The following RNF38 variants were observed in gnomAD, a reference collection of about 807,000 sequenced individuals.
RNF38 encodes ring finger protein 38.
A neutral mutation model predicts 67.2 loss-of-function variants in RNF38; 15 were observed. The ratio of observed to expected loss-of-function variants is 0.22; its 90% CI spans 0.15 to 0.34. The LOEUF is 0.34. Ranked by LOEUF, RNF38 falls within the 10% of genes least tolerant of loss-of-function variation. RNF38 has a pLI of 1.00. For synonymous variants in RNF38, 220 were observed against 218.8 expected (o/e 1.01, Z -0.05); for missense variants, 524 against 639.9 (o/e 0.82, Z 1.95).
intron 1 of RNF38, among the ~76,000 whole-genome samples, chr9:36,472,942 G>A (rs539096635): frequency 6.6e-6 from 1 of 151,564 alleles, no homozygotes; most frequent in African/African-American, 2.4e-5. Flanking sequence ...GACCAGCCTG[G>A]CCAAGATGCT....
intron 1 of RNF38, among the ~76,000 whole-genome samples, chr9:36,392,819 G>T (rs531799662): frequency 1.3e-5 from 2 of 152,206 alleles, no homozygotes; most frequent in South Asian, 4.1e-4. Context: ...CTAACCTCAA[G>T]AAGCTTATTC....
At chr9:36,441,565 C>T (rs1231670030) in intron 1 of RNF38, among the ~76,000 whole-genome samples, 1 of 152,160 alleles carries the variant, frequency 6.6e-6, no homozygotes, top group Non-Finnish European at 1.5e-5. Context: ...CCTCGTGATC[C>T]ACCCAGCTCG....
chr9:36,479,951 A>G (rs896930357), intron 1 of RNF38, among the ~76,000 whole-genome samples: 21 of 152,086 alleles, frequency 1.4e-4, no homozygotes, highest in African/African-American at 4.6e-4. Flanking sequence ...ATGAGTTCCA[A>G]CTTTTCTCTA....
At chr9:36,420,533 A>AAAAAAAAAAAAAAAAAAC (rs1838597102) in intron 2 of RNF38, among the ~76,000 whole-genome samples, 1 of 79,930 alleles carries the variant, frequency 1.3e-5, no homozygotes, top group Non-Finnish European at 2.6e-5. Flanking sequence ...CTCTGTCTCC[A>AAAAAAAAAAAAAAAAAAC]AAAAAAAAAA....
At chr9:36,370,580 G>A (rs182217470) in intron 3 of RNF38, among the ~76,000 whole-genome samples, 1 of 152,050 alleles carries the variant, frequency 6.6e-6, no homozygotes, top group African/African-American at 2.4e-5. Flanking sequence ...TGCACACAAG[G>A]TATATATACT....
chr9:36,394,196 A>T (rs1170306451), intron 1 of RNF38, among the ~76,000 whole-genome samples: 3 of 152,112 alleles, frequency 2.0e-5, no homozygotes, highest in Non-Finnish European at 4.4e-5. Context: ...AATCACTTGA[A>T]TCCGGGAGGT....
upstream of RNF38, chr9:36,401,158 C>T: frequency 1.0e-6 from 1 of 985,234 alleles, no homozygotes; most frequent in Non-Finnish European, 1.2e-6. Context: ...AGGCTCCGCA[C>T]CGCGCGCCGA....
At chr9:36,487,496 T>A (rs1840447354) in exon 1 of RNF38, 1 of 975,720 alleles carries the variant, frequency 1.0e-6, no homozygotes. Context: ...AGGCTGAAAG[T>A]GCGCGGCGGC....
chr9:36,375,635 C>T (rs1196287922), intron 3 of RNF38, among the ~76,000 whole-genome samples: 2 of 152,186 alleles, frequency 1.3e-5, no homozygotes, highest in African/African-American at 2.4e-5. Context: ...AATGCATCTT[C>T]TAATAGTCAA....
chr9:36,458,700 C>A (rs1471620093), intron 1 of RNF38, among the ~76,000 whole-genome samples: 1 of 151,582 alleles, frequency 6.6e-6, no homozygotes, highest in Non-Finnish European at 1.5e-5. Context: ...CTGGACACAC[C>A]ATCTTTAAGA....
intron 1 of RNF38, among the ~76,000 whole-genome samples, chr9:36,392,773 T>A (rs1172257034): frequency 1.3e-5 from 2 of 152,000 alleles, no homozygotes; most frequent in Non-Finnish European, 2.9e-5. Context: ...TAAAAATAAG[T>A]ATTTGTTAAT....
chr9:36,478,403 CAAA>C (rs566516265), intron 1 of RNF38, among the ~76,000 whole-genome samples: 2,326 of 72,210 alleles, frequency 0.032, 49 homozygotes, highest in African/African-American at 0.11. Context: ...GACTCCGTCT[CAAA>C]AAAAAAAAAA....
At chr9:36,437,980 T>G (rs1360622008) in intron 1 of RNF38, among the ~76,000 whole-genome samples, 1 of 152,198 alleles carries the variant, frequency 6.6e-6, no homozygotes, top group Non-Finnish European at 1.5e-5. Flanking sequence ...AGTCTCACTC[T>G]GTAGCCCCAC....
chr9:36,427,836 G>C (rs900880172), intron 1 of RNF38, among the ~76,000 whole-genome samples: 1 of 151,658 alleles, frequency 6.6e-6, no homozygotes, highest in Non-Finnish European at 1.5e-5. Flanking sequence ...TCAGCCTCCC[G>C]AGTAGCTGGG....
intron 9 of RNF38, among the ~76,000 whole-genome samples, chr9:36,346,759 G>A (rs1447021834): frequency 6.6e-6 from 1 of 152,054 alleles, no homozygotes; most frequent in East Asian, 1.9e-4. Context: ...TTAGATAATT[G>A]CGTCATCTAA....
rs1403740809 is a variant in RNF38 at position 36,337,682 on chromosome 9, T to C, written c.*2070A>G. 1 of 152,632 alleles carries C rather than the reference T, an allele frequency of 6.6e-6. No homozygotes were observed. Among genetic ancestry groups the C allele is most frequent in the Admixed American group, 6.5e-5 (1 of 15,280 alleles). The allele number at this position is 152,632 out of a possible 1,614,324, so 9.5% of individuals were successfully genotyped here. Reference sequence around the variant, plus strand: ...TCATTAAAAAAGATTAAACTATATGTGATTTGTATGTAGCTGATTATTATG... The same window carrying C: ...TCATTAAAAAAGATTAAACTATATGCGATTTGTATGTAGCTGATTATTATG... On this transcript the variant is annotated 3_prime_UTR_variant, in exon 12 of 12. Coordinates refer to ENST00000259605, the MANE Select transcript of RNF38 (RefSeq NM_022781.5).
intron 2 of RNF38, among the ~76,000 whole-genome samples, chr9:36,412,112 G>A (rs1047765738): frequency 1.4e-4 from 21 of 152,090 alleles, no homozygotes; most frequent in Admixed American, 5.2e-4. Context: ...ATGGCTTCTC[G>A]AAAAAGCAGA....
At chr9:36,374,367 G>C (rs1835623414) in intron 3 of RNF38, among the ~76,000 whole-genome samples, 1 of 152,224 alleles carries the variant, frequency 6.6e-6, no homozygotes, top group African/African-American at 2.4e-5. Context: ...TTAAAGCCTA[G>C]AAGTTTGAAA....
chr9:36,480,532 C>T (rs1196625917), intron 1 of RNF38, among the ~76,000 whole-genome samples: 2 of 146,946 alleles, frequency 1.4e-5, no homozygotes, highest in Non-Finnish European at 3.0e-5. Flanking sequence ...TCTATGTATA[C>T]AGTTTTTTTC....
Sources: gnomAD v4.1 joint callset for allele counts (sites outside exome capture counted in the v4.1 genomes callset) on GRCh38, gnomAD v4.1.1 for gene constraint, MANE v1.5 for transcripts, NCBI Gene and HGNC (gene_info 2026-07-23, HGNC 2026-07-21) for gene names.